HPCAL1: variants seen among roughly 807,000 people sequenced by gnomAD.
HPCAL1 encodes the protein hippocalcin like 1.
Under a neutral mutation model 17.1 loss-of-function variants are expected in HPCAL1, and 8 were observed. The observed-to-expected ratio is 0.47, with a 90% confidence interval of 0.27 to 0.84. The LOEUF (loss-of-function observed/expected upper bound fraction) is 0.84. Among genes scored for constraint, HPCAL1 ranks in the 40% least tolerant of loss-of-function variants. The pLI, the probability that HPCAL1 is intolerant of heterozygous loss-of-function variation, is 0.13. For synonymous variants in HPCAL1, 112 were observed against 111.4 expected (o/e 1.01, Z -0.03); for missense variants, 165 against 271.1 (o/e 0.61, Z 2.75).
intron 2 of HPCAL1, among the ~76,000 whole-genome samples, chr2:10,402,497 C>G (rs2125593188): frequency 6.6e-6 from 1 of 152,286 alleles, no homozygotes; most frequent in Non-Finnish European, 1.5e-5. Flanking sequence ...AACACACTCT[C>G]TATGAGTCAG....
rs185319301 is a variant in HPCAL1 at position 10,323,191 on chromosome 2, C to T, written c.-111+20014C>T. 4.6e-5 allele frequency among the ~76,000 whole-genome samples: 7 copies of T among 152,220 alleles called. No homozygotes were observed. The highest frequency in any genetic ancestry group is 7.2e-5 in the African/African-American group (3 of 41,458). On this transcript the variant is annotated intron_variant, in intron 1 of 4. Coordinates refer to ENST00000307845, the MANE Select transcript of HPCAL1 (RefSeq NM_002149.4). This position sits in a 1 kb window ranked among gnomAD's most constrained non-coding sequence, Gnocchi z 4.6. ...CCCGGTTCCCCAGACGCGTTCCCCACGGAGTCCCAGCGTGTATGCATGGGG... is the reference window on the plus strand; with the variant it reads ...CCCGGTTCCCCAGACGCGTTCCCCATGGAGTCCCAGCGTGTATGCATGGGG...
Position 10,427,188 on chromosome 2 carries a change from A to G in HPCAL1, c.*367A>G. ...CCGGCCCATGCGTTTTGTGATCCCA[A>G]GTGACTCTGTGGGAAGGGTGGGGAC... On this transcript the variant is annotated 3_prime_UTR_variant, in exon 5 of 5. Coordinates refer to ENST00000307845, the MANE Select transcript of HPCAL1 (RefSeq NM_002149.4). 2 of 234,338 alleles carry G rather than the reference A, an allele frequency of 8.5e-6. 1 individual carries two copies. 14.5% of individuals were successfully genotyped at this position (234,338 alleles called of 1,614,324 possible).
rs1035302353 is a variant in HPCAL1 at position 10,331,680 on chromosome 2, G to C, written c.-111+28503G>C. Among the ~76,000 whole-genome samples the C allele has an allele frequency of 2.0e-5, 3 of 152,170 alleles. No individual in the cohort carries two copies. Among genetic ancestry groups the C allele is most frequent in the African/African-American group, 4.8e-5 (2 of 41,428 alleles). On this transcript the variant is annotated intron_variant, in intron 1 of 4. Transcript: ENST00000307845. The surrounding 1 kb of genome is among the most constrained non-coding windows in gnomAD (Gnocchi z 5.0). ...CCCACTGCACGCCCGGCTGTCAGAG[G>C]CATCTGTCTCTTCCCCCGCATGCAT...
chr2:10,418,527 G>A (rs1311280446), intron 2 of HPCAL1, among the ~76,000 whole-genome samples: 2 of 151,158 alleles, frequency 1.3e-5, no homozygotes, highest in African/African-American at 4.9e-5. Flanking sequence ...TGGGTGGTCT[G>A]TCTTACCTTT....
chr2:10,388,412 G>C (rs1348393142), intron 1 of HPCAL1, among the ~76,000 whole-genome samples: 1 of 152,240 alleles, frequency 6.6e-6, no homozygotes, highest in African/African-American at 2.4e-5. Context: ...TTAGTGAGCA[G>C]TGAGCTGTTT....
At position 10,420,141 on chromosome 2, in the gene HPCAL1, G is replaced by T; in HGVS notation, c.378+6G>T. On this transcript the variant is annotated splice_donor_region_variant and intron_variant, in intron 3 of 4. Coordinates refer to ENST00000307845, the MANE Select transcript of HPCAL1 (RefSeq NM_002149.4). ...AGATGCTGGAGATCGTGCAGGTACC[G>T]GCGCCCGAGGCCCCGGGTCTCACCG... 1.2e-6 allele frequency: 2 copies of T among 1,601,346 alleles called. No homozygotes were observed. The highest frequency in any genetic ancestry group is 1.7e-6 in the Non-Finnish European group (2 of 1,171,534).
chr2:10,389,371 G>C (rs1246324627), intron 1 of HPCAL1, among the ~76,000 whole-genome samples: 5 of 152,234 alleles, frequency 3.3e-5, no homozygotes, highest in African/African-American at 7.2e-5. Flanking sequence ...GGGCACAGCT[G>C]CTTCAGTAAA....
chr2:10,354,586 A>T lies in HPCAL1; in HGVS notation c.-110-42249A>T, dbSNP rs1666023969. Among the ~76,000 whole-genome samples the T allele has an allele frequency of 2.6e-5, 4 of 152,218 alleles. No homozygotes were observed. The highest frequency in any genetic ancestry group is 2.6e-4 in the Admixed American group (4 of 15,284). ...AGGGCTCATCGCACAGCCATGGCCGAGGTGTCGGGACTCAAATTCCGGGCC... is the reference window on the plus strand; with the variant it reads ...AGGGCTCATCGCACAGCCATGGCCGTGGTGTCGGGACTCAAATTCCGGGCC... On this transcript the variant is annotated intron_variant, in intron 1 of 4. Coordinates refer to ENST00000307845, the MANE Select transcript of HPCAL1 (RefSeq NM_002149.4). This position sits in a 1 kb window ranked among gnomAD's most constrained non-coding sequence, Gnocchi z 5.1.
chr2:10,386,493 C>T (rs937290048), intron 1 of HPCAL1, among the ~76,000 whole-genome samples: 2 of 152,082 alleles, frequency 1.3e-5, no homozygotes, highest in African/African-American at 4.8e-5. Context: ...GAGAAAGACC[C>T]CCCCCCAGGT....
intron 1 of HPCAL1, among the ~76,000 whole-genome samples, chr2:10,351,628 G>A (rs1236832601): frequency 1.3e-5 from 2 of 151,944 alleles, no homozygotes; most frequent in East Asian, 1.9e-4. Context: ...GTGTGGTGGT[G>A]TGTGCCTGTG....
intron 4 of HPCAL1, chr2:10,426,514 C>T: frequency 1.8e-6 from 1 of 555,346 alleles, no homozygotes; most frequent in Non-Finnish European, 3.3e-6. Context: ...TTTGAGGTAC[C>T]TGATGTATTG....
intron 1 of HPCAL1, among the ~76,000 whole-genome samples, chr2:10,313,627 T>C (rs977411238): frequency 1.3e-5 from 2 of 152,250 alleles, no homozygotes; most frequent in African/African-American, 2.4e-5. Context: ...CATCCCATCA[T>C]TGATGTCTGG....
chr2:10,320,010 C>T (rs1558454703), intron 1 of HPCAL1, among the ~76,000 whole-genome samples: 4 of 152,022 alleles, frequency 2.6e-5, no homozygotes. Context: ...ACCTGCCTGC[C>T]TGGGAGGCCC....
At chr2:10,397,283 G>A (rs967578460) in intron 2 of HPCAL1, among the ~76,000 whole-genome samples, 1 of 152,126 alleles carries the variant, frequency 6.6e-6, no homozygotes. Flanking sequence ...GGGCAAGGAG[G>A]GCACTGTCTT....
chr2:10,397,541 G>A (rs544353477), intron 2 of HPCAL1, among the ~76,000 whole-genome samples: 95 of 152,332 alleles, frequency 6.2e-4, no homozygotes, highest in African/African-American at 2.1e-3. Context: ...CTCTGGGTGC[G>A]AGGAAGGCTT....
At chr2:10,373,880 T>C (rs1667383404) in intron 1 of HPCAL1, among the ~76,000 whole-genome samples, 1 of 152,220 alleles carries the variant, frequency 6.6e-6, no homozygotes, top group African/African-American at 2.4e-5. Context: ...TCAGGGTCTT[T>C]GGGAACTTCT....
At chr2:10,426,302 G>A in intron 4 of HPCAL1, 1 of 191,030 alleles carries the variant, frequency 5.2e-6, no homozygotes, top group Non-Finnish European at 1.1e-5. Flanking sequence ...CTACGCTGAT[G>A]CCAGGGAGGA....
At chr2:10,374,630 G>A (rs1295240037) in intron 1 of HPCAL1, among the ~76,000 whole-genome samples, 7 of 152,366 alleles carry the variant, frequency 4.6e-5, no homozygotes, top group Middle Eastern at 3.4e-3. Context: ...AGACAGACAC[G>A]GGCGTATTTA....
At chr2:10,399,280 TCAC>T (rs1558517718) in intron 2 of HPCAL1, among the ~76,000 whole-genome samples, 18 of 7,392 alleles carry the variant, frequency 2.4e-3, no homozygotes, top group South Asian at 9.4e-3. Context: ...ACCACCACCA[TCAC>T]CACCACCACC....
Sources: gnomAD v4.1 joint callset for allele counts (sites outside exome capture counted in the v4.1 genomes callset) on GRCh38, gnomAD v4.1.1 for gene constraint, Gnocchi (gnomAD v3.1) non-coding constraint, MANE v1.5 for transcripts, NCBI Gene and HGNC (gene_info 2026-07-23, HGNC 2026-07-21) for gene names.